The following UHRF1 variants were observed in gnomAD, a reference collection of about 807,000 sequenced individuals.
UHRF1 encodes the protein E3 ubiquitin-protein ligase UHRF1.
Under a neutral mutation model 96.5 loss-of-function variants are expected in UHRF1, and 9 were observed. The observed-to-expected ratio is 0.09, with a 90% CI of 0.06 to 0.16. The LOEUF is 0.16. UHRF1 is among the 10% of genes least tolerant of loss of function. UHRF1 has a pLI of 1.00. For missense variants in UHRF1, 626 were observed against 1,131.1 expected (o/e 0.55, Z 6.40); for synonymous variants, 455 against 469.9 (o/e 0.97, Z 0.41).
At chr19:4,910,774 G>A (rs1429040628) in intron 1 of UHRF1, 102 bp from the exon 2 acceptor site, 5 of 1,380,028 alleles carry the variant, frequency 3.6e-6, no homozygotes, top group Middle Eastern at 1.9e-4. Context: ...GAGTTTCCTG[G>A]TGTCCACAGG....
At chr19:4,940,402 G>A (rs981133198) in intron 5 of UHRF1, among the ~76,000 whole-genome samples, 3 of 111,680 alleles carry the variant, frequency 2.7e-5, no homozygotes, top group Admixed American at 1.4e-4. Context: ...GTCTTGCTCT[G>A]TCGCCCATGC....
chr19:4,946,056 G>A (rs754245377), intron 10 of UHRF1, 91 bp downstream of exon 10: 82 of 974,494 alleles, frequency 8.4e-5, no homozygotes, highest in African/African-American at 4.9e-4. Context: ...CATCCTAGCC[G>A]TTTTTAAATG....
chr19:4,948,101 C>CAAAAAA (rs545933981), intron 11 of UHRF1, among the ~76,000 whole-genome samples: 3 of 75,738 alleles, frequency 4.0e-5, no homozygotes. Context: ...GAGATCTTGT[C>CAAAAAA]AAAAAAAAAA....
At chr19:4,945,497 G>A (rs2033534749) in intron 9 of UHRF1, among the ~76,000 whole-genome samples, 1 of 152,038 alleles carries the variant, frequency 6.6e-6, no homozygotes, top group Non-Finnish European at 1.5e-5. Context: ...GACCTCAAGT[G>A]ATCCACCCAC....
chr19:4,938,424 T>C (rs1490958534), intron 5 of UHRF1, among the ~76,000 whole-genome samples: 3 of 152,126 alleles, frequency 2.0e-5, no homozygotes. Context: ...AATTTATGTT[T>C]TCTTTTTATT....
rs2033799412 is a variant in UHRF1 at position 4,954,470 on chromosome 19, T to C, written c.1939T>C (p.Trp647Arg). Residue 647 changes from tryptophan to arginine, a missense_variant, in exon 14 of 17, where the codon TGG becomes CGG. Physicochemically the swap from Trp to Arg is moderately radical, Grantham distance 101 (BLOSUM62 -3). Coordinates refer to ENST00000650932, the MANE Select transcript of UHRF1 (RefSeq NM_001048201.3). This position sits in a 1 kb window ranked among gnomAD's most constrained non-coding sequence, Gnocchi z 5.9. ...FASPRTGKGKWKRKSAGGGPS... is the reference protein window; with the variant it reads ...FASPRTGKGKRKRKSAGGGPS... ...GTCCCCCAGGACGGGCAAGGGCAAG[T>C]GGAAGCGGAAGTCGGCAGGTGAGAA... 6.2e-7 allele frequency: 1 copy of C among 1,609,392 alleles called. No individual in the cohort carries two copies. Among genetic ancestry groups the C allele is most frequent in the African/African-American group, 1.3e-5 (1 of 74,594 alleles).
rs73919355 is a variant in UHRF1 at position 4,926,221 on chromosome 19, C to T, written c.154-3001C>T. Among the ~76,000 whole-genome samples, 1,339 of 152,290 alleles carry T rather than the reference C, an allele frequency of 8.8e-3. 21 individuals are homozygous for T. The highest frequency in any genetic ancestry group is 0.03 in the African/African-American group (1,262 of 41,572). ...AATCCCCTCACCTGTTGATGGACACCTGGGTTGCTTCCACTCTCAGGCTGT... is the reference window on the plus strand; with the variant it reads ...AATCCCCTCACCTGTTGATGGACACTTGGGTTGCTTCCACTCTCAGGCTGT... On this transcript the variant is annotated intron_variant, in intron 2 of 16. Transcript: ENST00000650932.
intron 11 of UHRF1, among the ~76,000 whole-genome samples, chr19:4,947,519 T>TTG (rs1568428019): frequency 3.0e-5 from 4 of 132,062 alleles, no homozygotes; most frequent in East Asian, 4.6e-4. Context: ...TTTTTTTTTT[T>TTG]GGGCAGAGTC....
upstream of UHRF1, among the ~76,000 whole-genome samples, chr19:4,907,334 A>T (rs1000322379): frequency 6.6e-6 from 1 of 151,916 alleles, no homozygotes; most frequent in African/African-American, 2.4e-5. Context: ...CAGTGGCACG[A>T]TCTCTGCTCA....
At chr19:4,913,251 G>GTTTT (rs1387504244) in intron 2 of UHRF1, among the ~76,000 whole-genome samples, 19 of 83,298 alleles carry the variant, frequency 2.3e-4, no homozygotes, top group African/African-American at 1.5e-3. Context: ...TGTACATTGT[G>GTTTT]CTTTTTTTTT....
intron 2 of UHRF1, 141 bp downstream of exon 2, chr19:4,911,179 T>A: frequency 1.2e-6 from 1 of 801,574 alleles, no homozygotes; most frequent in Non-Finnish European, 1.8e-6. Flanking sequence ...GAAGGAGAAG[T>A]CCACAGAAAC....
At chr19:4,956,925 C>G (rs888861561) in intron 16 of UHRF1, 112 bp downstream of exon 16, 1 of 769,082 alleles carries the variant, frequency 1.3e-6, no homozygotes, top group Non-Finnish European at 2.2e-6. Flanking sequence ...TTGCTCCGCT[C>G]ACTCTGCAGC....
At chr19:4,938,891 G>A (rs2033299810) in intron 5 of UHRF1, among the ~76,000 whole-genome samples, 1 of 150,496 alleles carries the variant, frequency 6.6e-6, no homozygotes, top group African/African-American at 2.4e-5. Context: ...CCATAGGCGT[G>A]CACCACCATG....
At chr19:4,953,541 A>G (rs1373888466) in intron 13 of UHRF1, among the ~76,000 whole-genome samples, 1 of 152,074 alleles carries the variant, frequency 6.6e-6, no homozygotes, top group African/African-American at 2.4e-5. Flanking sequence ...ATAGCTCACT[A>G]CAGCCTCAAA....
intron 5 of UHRF1, 145 bp downstream of exon 5, chr19:4,933,101 G>T: frequency 1.1e-6 from 1 of 876,732 alleles, no homozygotes; most frequent in Non-Finnish European, 1.7e-6. Flanking sequence ...CCCCTCTGGG[G>T]TCTGTTCCTG....
intron 10 of UHRF1, 22 bp downstream of exon 10, chr19:4,945,987 G>T: frequency 1.7e-6 from 2 of 1,163,252 alleles, no homozygotes; most frequent in Admixed American, 2.2e-5. Context: ...TGTGGGAGGG[G>T]TGGGGGAGGG....
At chr19:4,953,147 C>T (rs903334033) in intron 13 of UHRF1, among the ~76,000 whole-genome samples, 1 of 152,292 alleles carries the variant, frequency 6.6e-6, no homozygotes, top group African/African-American at 2.4e-5. Context: ...ATTATCTCCT[C>T]TTAGTCTCCT....
intron 5 of UHRF1, among the ~76,000 whole-genome samples, chr19:4,940,926 G>C (rs768394403): frequency 3.5e-4 from 53 of 150,260 alleles, no homozygotes; most frequent in Admixed American, 6.0e-4. Flanking sequence ...GCCTGCCTCG[G>C]TCTCCCAAAG....
chr19:4,910,124 TC>T (rs2146274721), intron 1 of UHRF1: 1 of 146,746 alleles, frequency 6.8e-6, no homozygotes, highest in Admixed American at 6.7e-5. Flanking sequence ...CCCTCTGTAG[TC>T]CCGGCGGCGG....
Sources: gnomAD v4.1 joint callset for allele counts (sites outside exome capture counted in the v4.1 genomes callset) on GRCh38, gnomAD v4.1.1 for gene constraint, Gnocchi (gnomAD v3.1) non-coding constraint, MANE v1.5 for transcripts, NCBI Gene and HGNC (gene_info 2026-07-23, HGNC 2026-07-21) for gene names.